The following TCF12 variants were observed in gnomAD, a reference collection of about 807,000 sequenced individuals.
The protein encoded by TCF12 is DNA-binding protein HTF4.
TCF12 carries 45 observed loss-of-function variants against 86.0 expected under a neutral mutation model. That is an observed-to-expected ratio of 0.52 (90% CI 0.41 to 0.67). TCF12 has a LOEUF of 0.67. TCF12 is among the 30% of genes least tolerant of loss of function. The probability of loss-of-function intolerance (pLI) is 0.00; values close to 1 mark genes in which losing one functional copy is unlikely to be tolerated. For missense variants in TCF12, 881 were observed against 859.9 expected (o/e 1.02, Z -0.31); for synonymous variants, 330 against 299.6 (o/e 1.10, Z -1.05).
chr15:57,151,053 A>G (rs1311029889), intron 5 of TCF12, among the ~76,000 whole-genome samples: 1 of 150,858 alleles, frequency 6.6e-6, no homozygotes, highest in Non-Finnish European at 1.5e-5. Context: ...ATCATAGCTC[A>G]CTGTAACCTT....
chr15:57,244,492 C>T (rs1282714051), intron 13 of TCF12, among the ~76,000 whole-genome samples: 1 of 152,202 alleles, frequency 6.6e-6, no homozygotes, highest in Non-Finnish European at 1.5e-5. Context: ...TGGAGTCTCA[C>T]TCTGTTGCCC....
At chr15:57,183,935 T>C (rs1353853615) in intron 6 of TCF12, among the ~76,000 whole-genome samples, 4 of 151,576 alleles carry the variant, frequency 2.6e-5, no homozygotes, top group Non-Finnish European at 5.9e-5. Context: ...TTTAGAAATA[T>C]AGGAAATACA....
chr15:57,200,038 C>T (rs972206797), intron 8 of TCF12, among the ~76,000 whole-genome samples: 7 of 145,044 alleles, frequency 4.8e-5, no homozygotes, highest in East Asian at 2.0e-4. Flanking sequence ...CAGGCCACCA[C>T]GGCTGGCTTT....
intron 3 of TCF12, among the ~76,000 whole-genome samples, chr15:56,995,230 G>GTTTTTTTT (rs1440501811): frequency 2.9e-4 from 4 of 13,718 alleles, no homozygotes; most frequent in African/African-American, 2.0e-4. Context: ...GATACCTGCA[G>GTTTTTTTT]CTTTTTTTTT....
At chr15:57,111,586 CT>C (rs1166862090) in intron 5 of TCF12, among the ~76,000 whole-genome samples, 2,875 of 115,444 alleles carry the variant, frequency 0.025, 111 homozygotes, top group African/African-American at 0.083. Context: ...GTTTGTTTAT[CT>C]TTTTTTTTTT....
intron 5 of TCF12, among the ~76,000 whole-genome samples, chr15:57,154,240 A>T (rs1420831844): frequency 6.6e-6 from 1 of 152,174 alleles, no homozygotes; most frequent in African/African-American, 2.4e-5. Context: ...TCTTCGCTAG[A>T]TGAAAACATT....
intron 3 of TCF12, among the ~76,000 whole-genome samples, chr15:57,017,694 C>G (rs1427461243): frequency 4.0e-5 from 6 of 150,720 alleles, no homozygotes; most frequent in Non-Finnish European, 8.8e-5. Flanking sequence ...TGTAAGCAAC[C>G]TCAGGAGATG....
intron 4 of TCF12, among the ~76,000 whole-genome samples, chr15:57,067,199 C>T (rs2068953706): frequency 6.6e-6 from 1 of 152,164 alleles, no homozygotes; most frequent in Non-Finnish European, 1.5e-5. Flanking sequence ...GCAATCCATT[C>T]AGTGAAGAGG....
chr15:57,178,482 A>G (rs1412262653), intron 6 of TCF12, among the ~76,000 whole-genome samples: 1 of 152,246 alleles, frequency 6.6e-6, no homozygotes, highest in Non-Finnish European at 1.5e-5. Context: ...CTAGTATTAA[A>G]GAGAAAAAGA....
chr15:57,244,368 A>G (rs2059763007), intron 13 of TCF12, among the ~76,000 whole-genome samples: 1 of 152,148 alleles, frequency 6.6e-6, no homozygotes, highest in South Asian at 2.1e-4. Flanking sequence ...CATAGATAAA[A>G]AAATTCTTGG....
intron 5 of TCF12, among the ~76,000 whole-genome samples, chr15:57,110,899 GA>G (rs1172493057): frequency 3.3e-5 from 5 of 152,188 alleles, no homozygotes; most frequent in South Asian, 2.1e-4. Flanking sequence ...AAAAAGGGGG[GA>G]AAATTTGATA....
At chr15:56,977,640 TG>T (rs1181987872) in intron 3 of TCF12, among the ~76,000 whole-genome samples, 3 of 152,174 alleles carry the variant, frequency 2.0e-5, no homozygotes, top group African/African-American at 4.8e-5. Flanking sequence ...GTGTGTGTTT[TG>T]GCTGTTGAAA....
chr15:57,026,356 G>C (rs1240549319), intron 3 of TCF12, among the ~76,000 whole-genome samples: 1 of 152,208 alleles, frequency 6.6e-6, no homozygotes, highest in African/African-American at 2.4e-5. Flanking sequence ...ACTTTCAAGA[G>C]AATATGGGTT....
chr15:57,264,963 C>G (rs939433524), intron 18 of TCF12, among the ~76,000 whole-genome samples: 13 of 151,980 alleles, frequency 8.6e-5, no homozygotes, highest in South Asian at 2.1e-4. Context: ...CTCCTGACCT[C>G]CAGTGATCTG....
In TCF12 at chr15:56,932,625, A is replaced by G. The variant is rs143299067; in HGVS notation, c.148+11527A>G. On this transcript the variant is annotated intron_variant, in intron 3 of 20. Coordinates refer to ENST00000333725, the MANE Select transcript of TCF12 (RefSeq NM_207037.2). ...GCTCTGTCGCCCAGGCTGGAGTGCA[A>G]TGGTGCAATCTCAGCTCACTGCAAC... Among the ~76,000 whole-genome samples the G allele has an allele frequency of 1.6e-3, 239 of 151,928 alleles. 7 individuals are homozygous for G. In the East Asian group the frequency reaches 0.038, roughly 24 times the overall value.
chr15:57,206,582 C>CTTT (rs67531540), intron 8 of TCF12, among the ~76,000 whole-genome samples: 2,043 of 83,776 alleles, frequency 0.024, 66 homozygotes, highest in African/African-American at 0.04. Flanking sequence ...CTTGTATTCT[C>CTTT]TTTTTTTTTT....
rs527669003 is a variant in TCF12, at chr15:57,025,383, G to T, written c.149-38367G>T. On this transcript the variant is annotated intron_variant, in intron 3 of 20. Transcript: ENST00000333725. ...GCATGAGCCACCGCCCCCAGCCTGTGCCCTTTTCACTAAAATCACATTTAT... is the reference window on the plus strand; with the variant it reads ...GCATGAGCCACCGCCCCCAGCCTGTTCCCTTTTCACTAAAATCACATTTAT... Among the ~76,000 whole-genome samples the T allele has an allele frequency of 3.9e-5, 6 of 152,172 alleles. No homozygotes were observed. The East Asian group carries it at 9.7e-4, about 24-fold the overall frequency.
intron 5 of TCF12, among the ~76,000 whole-genome samples, chr15:57,104,861 G>GTTT (rs11336613): frequency 0.017 from 1,207 of 71,612 alleles, 22 homozygotes; most frequent in East Asian, 0.027. Context: ...CTTTGGTGGT[G>GTTT]TTTTTTTTTT....
rs1037724518 is a variant in TCF12, at chr15:57,242,698, A to G, written c.1036-774A>G. Among the ~76,000 whole-genome samples, 5 of 152,210 alleles carry G rather than the reference A, an allele frequency of 3.3e-5. No homozygotes were observed. In the East Asian group the frequency reaches 9.6e-4, roughly 29 times the overall value. ...AAGTGTTCACTCTTGAATTAGATGT[A>G]CTTGAATTAATCTCTGTCACCATTT... is the stretch of plus-strand genomic sequence containing the variant. On this transcript the variant is annotated intron_variant, in intron 12 of 20. Coordinates refer to ENST00000333725, the MANE Select transcript of TCF12 (RefSeq NM_207037.2).
Sources: gnomAD v4.1 joint callset for allele counts (sites outside exome capture counted in the v4.1 genomes callset) on GRCh38, gnomAD v4.1.1 for gene constraint, MANE v1.5 for transcripts, NCBI Gene and HGNC (gene_info 2026-07-23, HGNC 2026-07-21) for gene names.